VWA8: variants seen among roughly 807,000 people sequenced by gnomAD.
VWA8 encodes von Willebrand factor A domain-containing protein 8.
In VWA8, 221 loss-of-function variants were observed where a neutral mutation model predicts 241.5. The observed-to-expected ratio is 0.91, with a 90% CI of 0.82 to 1.02. The LOEUF is 1.02. VWA8 is among the 50% of genes least tolerant of loss of function. The probability of loss-of-function intolerance (pLI) is 0.00; values close to 1 mark genes in which losing one functional copy is unlikely to be tolerated. For synonymous variants in VWA8, 852 were observed against 827.1 expected (o/e 1.03, Z -0.52); for missense variants, 2,322 against 2,328.7 (o/e 1.00, Z 0.06).
intron 17 of VWA8, among the ~76,000 whole-genome samples, chr13:41,796,191 T>C (rs960841464): frequency 1.8e-4 from 28 of 152,208 alleles, no homozygotes; most frequent in African/African-American, 6.5e-4. Context: ...TCTTATCTGC[T>C]TTAGGTGTCT....
intron 16 of VWA8, among the ~76,000 whole-genome samples, chr13:41,814,962 C>A: frequency 6.6e-6 from 1 of 151,464 alleles, no homozygotes. Flanking sequence ...AGTAAGAAGC[C>A]CTATAAAGAA....
Position 41,690,177 on chromosome 13 carries a change from C to T in VWA8, c.3965G>A (p.Gly1322Glu). ...LKEEPPSTGFGVTQETEFSIP... is the reference protein window; with the variant it reads ...LKEEPPSTGFEVTQETEFSIP... ...GACATAGTATTTACCTTGTGTAACT[C>T]CAAACCCTGTGCTGGGCGGCTCCTC... is the stretch of plus-strand genomic sequence containing the variant. The change falls in exon 33 of 45, where the codon GGA becomes GAA. Residue 1322 changes from glycine to glutamate, a missense_variant. Coordinates refer to ENST00000379310, the MANE Select transcript of VWA8 (RefSeq NM_015058.2). The T allele has an allele frequency of 6.2e-7, 1 of 1,612,276 alleles. No individual in the cohort carries two copies. Among genetic ancestry groups the T allele is most frequent in the Non-Finnish European group, 8.5e-7 (1 of 1,178,840 alleles).
chr13:41,930,836 G>C (rs1239388783), intron 2 of VWA8, among the ~76,000 whole-genome samples: 1 of 151,918 alleles, frequency 6.6e-6, no homozygotes, highest in Non-Finnish European at 1.5e-5. Context: ...TTCAGATAAG[G>C]GATGGTCAGC....
At chr13:41,870,365 G>A (rs993196197) in intron 9 of VWA8, among the ~76,000 whole-genome samples, 2 of 152,106 alleles carry the variant, frequency 1.3e-5, no homozygotes, top group East Asian at 1.9e-4. Context: ...ATGGCTGGGC[G>A]CAAAGGCTAA....
At chr13:41,751,874 C>T (rs1014276813) in intron 21 of VWA8, among the ~76,000 whole-genome samples, 7 of 152,140 alleles carry the variant, frequency 4.6e-5, no homozygotes, top group African/African-American at 1.7e-4. Flanking sequence ...CAGTGCTCCT[C>T]GGTAAGCATG....
At chr13:41,716,359 A>G (rs2045348046) in intron 26 of VWA8, among the ~76,000 whole-genome samples, 1 of 152,072 alleles carries the variant, frequency 6.6e-6, no homozygotes, top group South Asian at 2.1e-4. Flanking sequence ...CCTGTGAGAT[A>G]GATAACATCA....
intron 5 of VWA8, among the ~76,000 whole-genome samples, chr13:41,889,677 C>A (rs1316241209): frequency 1.1e-4 from 16 of 152,148 alleles, no homozygotes; most frequent in Admixed American, 9.8e-4. Flanking sequence ...CTGCACCCAG[C>A]CACTAAACCT....
intron 43 of VWA8, among the ~76,000 whole-genome samples, chr13:41,573,538 T>TAC (rs1462881579): frequency 2.1e-5 from 3 of 144,282 alleles, no homozygotes; most frequent in Non-Finnish European, 4.5e-5. Flanking sequence ...TATATATATA[T>TAC]ACGTATATAT....
intron 17 of VWA8, among the ~76,000 whole-genome samples, chr13:41,801,493 T>C (rs1257278683): frequency 6.6e-6 from 1 of 152,164 alleles, no homozygotes; most frequent in East Asian, 1.9e-4. Flanking sequence ...AAGAAATGAA[T>C]GGACAACAAG....
chr13:41,785,738 G>A (rs946283395), intron 18 of VWA8, among the ~76,000 whole-genome samples: 5 of 152,026 alleles, frequency 3.3e-5, no homozygotes, highest in Non-Finnish European at 4.4e-5. Flanking sequence ...ACCATGAGCT[G>A]TAACACTGAG....
At chr13:41,883,550 T>C in intron 8 of VWA8, 59 bp from the exon 9 acceptor site, 1 of 1,289,748 alleles carries the variant, frequency 7.8e-7, no homozygotes, top group African/African-American at 1.5e-5. Flanking sequence ...ACAGAAAACA[T>C]CTGAAATGTA....
intron 24 of VWA8, among the ~76,000 whole-genome samples, chr13:41,723,575 G>A (rs73183318): frequency 0.012 from 1,783 of 152,120 alleles, 10 homozygotes; most frequent in South Asian, 0.019. Context: ...GAAGTGATGG[G>A]GAAAGTAAGA....
chr13:41,594,405 T>C (rs1175651629), intron 40 of VWA8, among the ~76,000 whole-genome samples: 4 of 152,046 alleles, frequency 2.6e-5, no homozygotes, highest in African/African-American at 9.7e-5. Context: ...GCTGGGACTA[T>C]GGGTGTGAGC....
chr13:41,594,574 T>C (rs2044476270), intron 40 of VWA8, among the ~76,000 whole-genome samples: 1 of 152,136 alleles, frequency 6.6e-6, no homozygotes, highest in South Asian at 2.1e-4. Flanking sequence ...TATCTTATAG[T>C]TGATGGCAAA....
At chr13:41,729,766 C>G (rs1209142935) in intron 22 of VWA8, 89 bp from the exon 23 acceptor site, 13 of 1,346,396 alleles carry the variant, frequency 9.7e-6, no homozygotes, top group Non-Finnish European at 1.1e-5. Context: ...CTTATAACAG[C>G]TGGCTTTATT....
intron 13 of VWA8, among the ~76,000 whole-genome samples, chr13:41,832,964 A>G (rs2138004019): frequency 6.6e-6 from 1 of 152,236 alleles, no homozygotes; most frequent in East Asian, 1.9e-4. Flanking sequence ...AAAGATTCCA[A>G]CAAGACCAAC....
intron 3 of VWA8, among the ~76,000 whole-genome samples, chr13:41,908,392 G>A (rs2138109082): frequency 6.6e-6 from 1 of 152,148 alleles, no homozygotes; most frequent in East Asian, 1.9e-4. Context: ...CTTGAACCCA[G>A]GAGGTGGAGG....
rs1402637722 is a variant in VWA8, at chr13:41,787,466, T to C, written c.2141A>G (p.Asn714Ser). Residue 714 changes from asparagine to serine, a missense_variant, in exon 18 of 45, where the codon AAT (asparagine) becomes AGT (serine). Physicochemically the swap from Asn to Ser is conservative, Grantham distance 46. Coordinates refer to ENST00000379310, the MANE Select transcript of VWA8 (RefSeq NM_015058.2). ...DATIEINTDD[N>S]LEPELKDYKC... ...GTAATCCTTCAGTTCTGGCTCCAAA[T>C]TGTCATCAGTATTTATTTCTATTGT... 4 of 1,612,360 alleles carry C rather than the reference T, an allele frequency of 2.5e-6. No homozygotes were observed. The highest frequency in any genetic ancestry group is 2.7e-5 in the African/African-American group (2 of 74,766).
intron 42 of VWA8, among the ~76,000 whole-genome samples, chr13:41,581,658 G>C (rs2044384235): frequency 6.6e-6 from 1 of 151,822 alleles, no homozygotes; most frequent in African/African-American, 2.4e-5. Flanking sequence ...CCTAGGATAT[G>C]GTTTATATGC....
Sources: allele counts gnomAD v4.1 joint callset (sites outside exome capture counted in the v4.1 genomes callset), GRCh38; gene constraint gnomAD v4.1.1; transcripts MANE v1.5; gene names NCBI Gene and HGNC (gene_info 2026-07-23, HGNC 2026-07-21).